RYR3: variants seen among roughly 807,000 people sequenced by gnomAD.
RYR3 encodes brain ryanodine receptor-calcium release channel.
Under a neutral mutation model 584.3 loss-of-function variants are expected in RYR3, and 207 were observed. The observed-to-expected ratio is 0.35, with a 90% confidence interval of 0.32 to 0.40. The LOEUF (loss-of-function observed/expected upper bound fraction) is 0.40, where lower values mean the gene tolerates loss of function less well. Among genes scored for constraint, RYR3 ranks in the 10% least tolerant of loss-of-function variants. The probability of loss-of-function intolerance (pLI) is 1.00; values close to 1 mark genes in which losing one functional copy is unlikely to be tolerated. For missense variants in RYR3, 5,616 were observed against 6,089.2 expected, an observed-to-expected ratio of 0.92 and a Z score of 2.59; for synonymous variants, 2,416 against 2,248.5, an observed-to-expected ratio of 1.07 and a Z score of -2.11.
chr15:33,404,585 G>GTTTTTT (rs200311525), intron 1 of RYR3, among the ~76,000 whole-genome samples: 4 of 127,760 alleles, frequency 3.1e-5, no homozygotes, highest in Admixed American at 2.2e-4. Flanking sequence ...ATTTACTACT[G>GTTTTTT]TGTGTTTTTT....
rs1478304565 is a variant in RYR3, at chr15:33,649,148, A to G, written c.4055A>G (p.Tyr1352Cys). 5 of 1,613,680 alleles carry G rather than the reference A, an allele frequency of 3.1e-6. No individual in the cohort carries two copies. Among genetic ancestry groups the G allele is most frequent in the Admixed American group, 3.3e-5 (2 of 60,012 alleles). Residue 1352 changes from tyrosine (Y) to cysteine (C), a missense_variant, in exon 31 of 104, where the codon TAT (tyrosine) becomes TGT (cysteine). Physicochemically the swap from Tyr to Cys is radical, Grantham distance 194. This residue lies in a region of RYR3 where 753 missense variants were observed against 741.0 expected (regional missense o/e 1.02). Coordinates refer to ENST00000634891, the MANE Select transcript of RYR3 (RefSeq NM_001036.6). ...CVWVGWVTPD[Y>C]HLYSEKFDLN... ...TGGGTCGGATGGGTGACTCCAGACT[A>G]TCACTTGTACAGTGAAAAGTTTGAC...
intron 38 of RYR3, among the ~76,000 whole-genome samples, chr15:33,670,889 T>C (rs1364512446): frequency 2.6e-5 from 4 of 152,196 alleles, no homozygotes; most frequent in Non-Finnish European, 4.4e-5. Flanking sequence ...TATTGTTTCT[T>C]AACGATTATT....
intron 10 of RYR3, among the ~76,000 whole-genome samples, chr15:33,559,442 A>T (rs985851613): frequency 6.6e-6 from 1 of 152,220 alleles, no homozygotes; most frequent in African/African-American, 2.4e-5. Flanking sequence ...AGGGTCACAT[A>T]GGAAAGCACC....
At chr15:33,611,107 A>G (rs781591809) in intron 18 of RYR3, among the ~76,000 whole-genome samples, 1 of 152,198 alleles carries the variant, frequency 6.6e-6, no homozygotes, top group Non-Finnish European at 1.5e-5. Flanking sequence ...ACTCATATCC[A>G]TCAGGTGGGG....
At position 33,788,271 on chromosome 15, in the gene RYR3, T is replaced by C; in HGVS notation, c.9643T>C (p.Phe3215Leu). 1 of 1,613,988 alleles carries C rather than the reference T, an allele frequency of 6.2e-7. No homozygotes were observed. The highest frequency in any genetic ancestry group is 8.5e-7 in the Non-Finnish European group (1 of 1,179,876). The change falls in exon 67 of 104, where the codon TTC (phenylalanine) becomes CTC (leucine). Residue 3215 changes from phenylalanine to leucine, a missense_variant. Around this residue, in one of 9 missense-constraint regions of RYR3, gnomAD observed 954 missense variants for 1,132.2 expected, o/e 0.84. Transcript: ENST00000634891. ...KARPDLLRSH[F>L]IPTLEKLKKK... The stretch of plus-strand genomic sequence containing the variant: ...CAGGCCCGACCTGCTGAGAAGCCAC[T>C]TCATCCCAACTCTGGAGAAGCTGAA...
At position 33,831,046 on chromosome 15, in the gene RYR3, G is replaced by A; in HGVS notation, c.11418G>A (p.Leu3806=). ...GACAGCACAATTTTTCCAAAGCTCTGGCAGTCACCAAGCAGATTTTCAATT... is the reference window on the plus strand; with the variant it reads ...GACAGCACAATTTTTCCAAAGCTCTAGCAGTCACCAAGCAGATTTTCAATT... The part of the protein sequence containing the change: ...ESGQHNFSKA[L]AVTKQIFNSL... Residue 3806 remains leucine (L), a synonymous_variant, in exon 86 of 104, where the codon CTG becomes CTA. Coordinates refer to ENST00000634891, the MANE Select transcript of RYR3 (RefSeq NM_001036.6). 1 of 1,613,704 alleles carries A rather than the reference G, an allele frequency of 6.2e-7. No individual in the cohort carries two copies. The highest frequency in any genetic ancestry group is 1.1e-5 in the South Asian group (1 of 91,068).
At chr15:33,362,366 GCA>G (rs1322308634) in intron 1 of RYR3, among the ~76,000 whole-genome samples, 2 of 151,984 alleles carry the variant, frequency 1.3e-5, no homozygotes, top group East Asian at 1.9e-4. Flanking sequence ...ATAGGGCCTG[GCA>G]CACAGCAACC....
chr15:33,509,993 T>A (rs892802386), intron 3 of RYR3, among the ~76,000 whole-genome samples: 31 of 152,252 alleles, frequency 2.0e-4, no homozygotes, highest in African/African-American at 7.0e-4. Flanking sequence ...CTTTCCCTTT[T>A]TAAATCTATG....
intron 84 of RYR3, 90 bp downstream of exon 84, chr15:33,826,842 T>C (rs1416706302): frequency 4.5e-6 from 4 of 886,154 alleles, no homozygotes; most frequent in Non-Finnish European, 7.2e-6. Context: ...TGCAACTAGT[T>C]GTTAACTCAA....
intron 14 of RYR3, among the ~76,000 whole-genome samples, chr15:33,583,868 A>G (rs1157938919): frequency 6.6e-6 from 1 of 151,942 alleles, no homozygotes; most frequent in South Asian, 2.1e-4. Flanking sequence ...CCTGGCCAAC[A>G]TGGTGAAGCC....
At chr15:33,830,909 T>C (rs1263833290) in intron 85 of RYR3, 54 bp from the exon 86 acceptor site, 1 of 1,588,372 alleles carries the variant, frequency 6.3e-7, no homozygotes. Flanking sequence ...ACACCGAGTT[T>C]AGCTTCACTG....
intron 84 of RYR3, 26 bp from the exon 85 acceptor site, chr15:33,827,173 C>G: frequency 1.3e-6 from 2 of 1,544,424 alleles, no homozygotes; most frequent in Non-Finnish European, 1.8e-6. Flanking sequence ...CAGGGACAAG[C>G]TCTGACCCAG....
intron 16 of RYR3, among the ~76,000 whole-genome samples, chr15:33,589,638 T>C (rs1185514479): frequency 1.3e-5 from 2 of 152,180 alleles, no homozygotes; most frequent in African/African-American, 2.4e-5. Context: ...GATTTTTGTA[T>C]TTAGTGAAAG....
chr15:33,694,269 G>A (rs745566437), intron 38 of RYR3, among the ~76,000 whole-genome samples: 4 of 149,278 alleles, frequency 2.7e-5, no homozygotes, highest in African/African-American at 4.9e-5. Context: ...TTTTCAAGAC[G>A]GAGTCTTGGT....
intron 2 of RYR3, among the ~76,000 whole-genome samples, chr15:33,488,298 G>T (rs2050643250): frequency 6.6e-6 from 1 of 151,834 alleles, no homozygotes; most frequent in East Asian, 1.9e-4. Flanking sequence ...GGCCCCAGGT[G>T]AATTATGAAT....
In RYR3 at chr15:33,793,483, C is replaced by T. The variant is rs192488197; in HGVS notation, c.9830+5025C>T. Among the ~76,000 whole-genome samples, 3 of 152,236 alleles carry T rather than the reference C, an allele frequency of 2.0e-5. No individual in the cohort carries two copies. The East Asian group carries it at 5.8e-4, about 29-fold the overall frequency. On this transcript the variant is annotated intron_variant, in intron 67 of 103. Transcript: ENST00000634891. Reference sequence around the variant, plus strand: ...TGAAGCTACCTAGCCCTTCCCCATTCAAGGGTCACTTCATTAGCATAAACC... The same window carrying T: ...TGAAGCTACCTAGCCCTTCCCCATTTAAGGGTCACTTCATTAGCATAAACC...
chr15:33,832,410 T>C (rs1433803060), intron 86 of RYR3, among the ~76,000 whole-genome samples: 1 of 152,076 alleles, frequency 6.6e-6, no homozygotes, highest in African/African-American at 2.4e-5. Context: ...ATCCCAACTC[T>C]TTGGGAGGCC....
intron 1 of RYR3, among the ~76,000 whole-genome samples, chr15:33,334,311 A>G (rs2140714451): frequency 6.6e-6 from 1 of 152,338 alleles, no homozygotes; most frequent in South Asian, 2.1e-4. Context: ...CCGAAACAAC[A>G]TGATACTGGT....
intron 36 of RYR3, among the ~76,000 whole-genome samples, chr15:33,666,423 C>T (rs924091349): frequency 1.3e-5 from 2 of 152,166 alleles, no homozygotes; most frequent in African/African-American, 4.8e-5. Flanking sequence ...AGAAGGGACA[C>T]TTACCGCTAT....
Sources: allele counts gnomAD v4.1 joint callset (sites outside exome capture counted in the v4.1 genomes callset), GRCh38; gene constraint gnomAD v4.1.1; regional missense constraint gnomAD v4.1.1; transcripts MANE v1.5; gene names NCBI Gene and HGNC (gene_info 2026-07-23, HGNC 2026-07-21).